Variants in APMAP observed in about 807,000 individuals in gnomAD.
The protein encoded by APMAP is adipocyte plasma membrane associated protein.
In APMAP, 33 loss-of-function variants were observed where a neutral mutation model predicts 43.6. The observed-to-expected ratio is 0.76, with a 90% CI of 0.57 to 1.01. The LOEUF (loss-of-function observed/expected upper bound fraction) is 1.01. Among genes scored for constraint, APMAP ranks in the 50% least tolerant of loss-of-function variants. The probability of loss-of-function intolerance (pLI) is 0.00; values close to 1 mark genes in which losing one functional copy is unlikely to be tolerated. For missense variants in APMAP, 498 were observed against 540.7 expected (o/e 0.92, Z 0.78); for synonymous variants, 224 against 216.7 (o/e 1.03, Z -0.30).
rs1240013317 is a variant in APMAP at position 24,964,041 on chromosome 20, C to T, written c.1042-19G>A. 2 of 1,612,292 alleles carry T rather than the reference C, an allele frequency of 1.2e-6. No homozygotes were observed. The highest frequency in any genetic ancestry group is 8.5e-7 in the Non-Finnish European group (1 of 1,178,594). On this transcript the variant is annotated intron_variant, in intron 8 of 8. Transcript: ENST00000217456. ...TAAAGAGCTAGAGGGAAGCACAGTG[C>T]AGGGAAAGTTCACCAGCTGGCCAAG...
In APMAP at chr20:24,969,775, T is replaced by C. The variant is rs1387750770; in HGVS notation, c.714-115A>G. The C allele has an allele frequency of 2.2e-6, 3 of 1,363,734 alleles. No individual in the cohort carries two copies. The African/African-American group carries it at 4.4e-5, about 20-fold the overall frequency. The allele number at this position is 1,363,734 out of a possible 1,614,324, so 84.5% of individuals were successfully genotyped here. A position where few individuals can be genotyped will look rare whatever the true frequency, so the allele number is the denominator to read the frequency against. On this transcript the variant is annotated intron_variant, in intron 6 of 8. Transcript: ENST00000217456. ...CGCCTCACCCCGGAGCAACAGGCCC[T>C]GGGTGCCCTGCTCAAACTTGATTCG...
In APMAP at chr20:24,969,512, A is replaced by G. The variant is rs746627588; in HGVS notation, c.848+14T>C. 1.3e-5 allele frequency: 21 copies of G among 1,599,156 alleles called. No homozygotes were observed. In the African/African-American group the frequency reaches 2.3e-4, roughly 17 times the overall value. On this transcript the variant is annotated intron_variant, in intron 7 of 8. Coordinates refer to ENST00000217456, the MANE Select transcript of APMAP (RefSeq NM_020531.3). ...CTGGCCAGTAACTGATGGCTCAGCT[A>G]ATCCCACACACACCTTCGTATCCTG...
intron 8 of APMAP, chr20:24,964,373 A>T (rs1346352862): frequency 2.0e-6 from 1 of 510,648 alleles, no homozygotes; most frequent in Non-Finnish European, 3.9e-6. Context: ...ACCTCCACTC[A>T]CCAGATCACA....
At chr20:24,982,111 A>G (rs1160950848) in intron 2 of APMAP, among the ~76,000 whole-genome samples, 1 of 151,172 alleles carries the variant, frequency 6.6e-6, no homozygotes, top group East Asian at 1.9e-4. Context: ...TGTGATTCCA[A>G]TGCCATAAGC....
rs932963305 is a variant in APMAP at position 24,972,508 on chromosome 20, A to C, written c.422-932T>G. On this transcript the variant is annotated intron_variant, in intron 4 of 8. Coordinates refer to ENST00000217456, the MANE Select transcript of APMAP (RefSeq NM_020531.3). The stretch of plus-strand genomic sequence containing the variant: ...CGCAGGGGCTTACTGCAGGGAGTTC[A>C]CTGTGGGGTGTTCACTGCAGATGCT... Among the ~76,000 whole-genome samples, 29 of 148,628 alleles carry C rather than the reference A, an allele frequency of 2.0e-4. 1 individual carries two copies. In the East Asian group the frequency reaches 5.3e-3, roughly 27 times the overall value.
In APMAP at chr20:24,963,738, C is replaced by T. The variant is rs1243080888; in HGVS notation, c.*75G>A. 6.2e-6 allele frequency: 9 copies of T among 1,455,402 alleles called. No homozygotes were observed. The East Asian group carries it at 6.8e-5, about 11-fold the overall frequency. 90.2% of individuals were successfully genotyped at this position (1,455,402 alleles called of 1,614,324 possible). A position where few individuals can be genotyped will look rare whatever the true frequency, so the allele number is the denominator to read the frequency against. On this transcript the variant is annotated 3_prime_UTR_variant, in exon 9 of 9. Transcript: ENST00000217456. ...ACTTGAACCACGACTGTGTCCACAGCTCCTCCTGGACCAGGCCTGGTGCCT... is the reference window on the plus strand; with the variant it reads ...ACTTGAACCACGACTGTGTCCACAGTTCCTCCTGGACCAGGCCTGGTGCCT...
At chr20:24,989,454 T>A (rs575808098) in intron 1 of APMAP, among the ~76,000 whole-genome samples, 1 of 152,294 alleles carries the variant, frequency 6.6e-6, no homozygotes, top group South Asian at 2.1e-4. Context: ...GGGTATCCTC[T>A]AACTCTGCAC....
intron 3 of APMAP, 29 bp downstream of exon 3, chr20:24,978,738 G>GCCCCCCCCCCCCCCCCC: frequency 7.6e-7 from 1 of 1,309,734 alleles, no homozygotes; most frequent in Non-Finnish European, 1.1e-6. Context: ...AGCCTGGAAG[G>GCCCCCCCCCCCCCCCCC]CTCCCCCCCC....
rs117835024 is a variant in APMAP at position 24,965,491 on chromosome 20, C to A, written c.1042-1469G>T. 7.1e-3 allele frequency among the ~76,000 whole-genome samples: 1,082 copies of A among 152,382 alleles called. 8 individuals carry two copies. The highest frequency in any genetic ancestry group is 0.01 in the Non-Finnish European group (705 of 68,046). On this transcript the variant is annotated intron_variant, in intron 8 of 8. Transcript: ENST00000217456. ...GGATGGCAGACCATGGTGACCCAGA[C>A]AAGCCCACTCCGCTTGGGTGAGGAG...
chr20:24,981,106 C>T (rs2088100921), intron 2 of APMAP, among the ~76,000 whole-genome samples: 1 of 152,230 alleles, frequency 6.6e-6, no homozygotes, highest in African/African-American at 2.4e-5. Context: ...TGGACTATTA[C>T]ACAGCTGGTT....
chr20:24,968,441 G>A (rs189437244), intron 8 of APMAP, among the ~76,000 whole-genome samples: 2 of 152,320 alleles, frequency 1.3e-5, no homozygotes, highest in African/African-American at 4.8e-5. Context: ...GGTTACAGGG[G>A]TGGCCACACC....
chr20:24,963,589 C>T lies in APMAP; in HGVS notation c.*224G>A. Reference sequence around the variant, plus strand: ...AATGGCTTTACATGAATTTATGTTCCTCATGGCAGATATGTTACACTTCCC... The same window carrying T: ...AATGGCTTTACATGAATTTATGTTCTTCATGGCAGATATGTTACACTTCCC... On this transcript the variant is annotated 3_prime_UTR_variant, in exon 9 of 9. Transcript: ENST00000217456. The T allele has an allele frequency of 1.8e-6, 1 of 570,330 alleles. No homozygotes were observed. The highest frequency in any genetic ancestry group is 3.1e-6 in the Non-Finnish European group (1 of 319,566). 35.3% of individuals were successfully genotyped at this position (570,330 alleles called of 1,614,324 possible). A position where few individuals can be genotyped will look rare whatever the true frequency, so the allele number is the denominator to read the frequency against.
chr20:24,988,640 C>A (rs1057221604), intron 1 of APMAP, among the ~76,000 whole-genome samples: 2 of 152,174 alleles, frequency 1.3e-5, no homozygotes, highest in African/African-American at 4.8e-5. Context: ...AGAGATTCTG[C>A]TTTGGTAGGT....
chr20:24,981,565 T>C (rs1443349292), intron 2 of APMAP, among the ~76,000 whole-genome samples: 1 of 152,210 alleles, frequency 6.6e-6, no homozygotes, highest in African/African-American at 2.4e-5. Flanking sequence ...TTTTATACAG[T>C]GCTTCTATTT....
chr20:24,975,986 A>G (rs2088047525), intron 3 of APMAP, among the ~76,000 whole-genome samples: 1 of 152,242 alleles, frequency 6.6e-6, no homozygotes, highest in Non-Finnish European at 1.5e-5. Context: ...ATCCACATGC[A>G]AACAAATAAA....
rs143242757 is a variant in APMAP, at chr20:24,969,560, G to A, written c.814C>T (p.Leu272=). Residue 272 remains leucine (L), a synonymous_variant, in exon 7 of 9, where the codon CTG becomes TTG. Coordinates refer to ENST00000217456, the MANE Select transcript of APMAP (RefSeq NM_020531.3). The part of the protein sequence containing the change: ...VQLSPAEDFV[L]VAETTMARIR... Reference sequence around the variant, plus strand: ...CTGGCCATGGTTGTTTCTGCCACCAGGACAAAGTCTTCTGCAGGAGACAGC... The same window carrying A: ...CTGGCCATGGTTGTTTCTGCCACCAAGACAAAGTCTTCTGCAGGAGACAGC... The A allele has an allele frequency of 1.1e-5, 18 of 1,613,776 alleles. No individual in the cohort carries two copies. Among genetic ancestry groups the A allele is most frequent in the Non-Finnish European group, 1.4e-5 (17 of 1,179,850 alleles).
chr20:24,972,121 G>T (rs1204353063), intron 4 of APMAP, among the ~76,000 whole-genome samples: 1 of 147,234 alleles, frequency 6.8e-6, no homozygotes, highest in Admixed American at 6.7e-5. Context: ...GTTCACTGTG[G>T]GGTGCTCATT....
intron 1 of APMAP, among the ~76,000 whole-genome samples, chr20:24,990,189 T>C (rs1047545049): frequency 1.3e-5 from 2 of 152,266 alleles, no homozygotes; most frequent in Non-Finnish European, 2.9e-5. Flanking sequence ...AGCTCATCTA[T>C]GTTCCACACT....
At chr20:24,986,798 G>A (rs867252262) in intron 1 of APMAP, among the ~76,000 whole-genome samples, 10 of 152,180 alleles carry the variant, frequency 6.6e-5, no homozygotes, top group South Asian at 2.1e-4. Flanking sequence ...CTGGAAAAGC[G>A]CAACTGAGAG....
Sources: gnomAD v4.1 joint callset for allele counts (sites outside exome capture counted in the v4.1 genomes callset) on GRCh38, gnomAD v4.1.1 for gene constraint, MANE v1.5 for transcripts, NCBI Gene and HGNC (gene_info 2026-07-23, HGNC 2026-07-21) for gene names.